The following LTBP1 variants were observed in gnomAD, a reference collection of about 807,000 sequenced individuals.
LTBP1 encodes the protein latent transforming growth factor beta binding protein 1.
A neutral mutation model predicts 207.6 loss-of-function variants in LTBP1; 129 were observed. That is an observed-to-expected ratio of 0.62 (90% CI 0.54 to 0.72). LTBP1 has a LOEUF of 0.72. Among genes scored for constraint, LTBP1 ranks in the 30% least tolerant of loss-of-function variants. The pLI, the probability that LTBP1 is intolerant of heterozygous loss-of-function variation, is 0.00. For synonymous variants in LTBP1, 963 were observed against 833.7 expected (o/e 1.16, Z -2.67); for missense variants, 2,281 against 2,217.2 (o/e 1.03, Z -0.58).
Position 33,243,678 on chromosome 2 carries a change from G to A in LTBP1, c.1893G>A (p.Gln631=). The part of the protein sequence containing the change: ...NTFCQDINEC[Q]LQGVCPNGEC... ...TTCCTGCAGATATTAATGAATGTCA[G>A]CTACAAGGTGTATGCCCTAATGGTG... Residue 631 remains glutamine, a synonymous_variant, in exon 10 of 34, where the codon CAG becomes CAA. Coordinates refer to ENST00000404816, the MANE Select transcript of LTBP1 (RefSeq NM_206943.4). 1 of 1,613,818 alleles carries A rather than the reference G, an allele frequency of 6.2e-7. No homozygotes were observed. The highest frequency in any genetic ancestry group is 8.5e-7 in the Non-Finnish European group (1 of 1,179,864).
At position 33,021,055 on chromosome 2, in the gene LTBP1, G is replaced by A. The variant is rs113206027; in HGVS notation, c.712G>A (p.Ala238Thr). The A allele has an allele frequency of 5.9e-5, 96 of 1,614,080 alleles. 3 individuals are homozygous for A. The highest frequency in any genetic ancestry group is 5.9e-4 in the African/African-American group (44 of 75,004). ...AGTCTTTGGAGGGCAGAGTCCTGGG[G>A]CTGCTTCCTCGTGGGGCCCTCCTGA... ...SPVFGGQSPGAASSWGPPEQA... is the reference protein window; with the variant it reads ...SPVFGGQSPGTASSWGPPEQA... Residue 238 changes from alanine to threonine, a missense_variant, in exon 3 of 34, where the codon GCT (alanine) becomes ACT (threonine). Ala to Thr is a moderately conservative substitution (Grantham distance 58). Transcript: ENST00000404816.
intron 4 of LTBP1, among the ~76,000 whole-genome samples, chr2:33,129,869 T>G (rs2081664936): frequency 6.6e-6 from 1 of 152,194 alleles, no homozygotes. Flanking sequence ...TACTCTGGAT[T>G]CTTACCTGTG....
At chr2:33,202,264 T>G (rs193199009) in intron 7 of LTBP1, among the ~76,000 whole-genome samples, 87 of 152,306 alleles carry the variant, frequency 5.7e-4, no homozygotes, top group African/African-American at 2.1e-3. Flanking sequence ...ATTTCTTGGT[T>G]TCCACTGGAC....
At chr2:33,183,600 C>T (rs185769547) in intron 5 of LTBP1, among the ~76,000 whole-genome samples, 8 of 152,248 alleles carry the variant, frequency 5.3e-5, no homozygotes, top group East Asian at 3.9e-4. Flanking sequence ...ACTACGGTAA[C>T]GGAAATTCAT....
At chr2:33,341,906 A>G (rs184165163) in intron 24 of LTBP1, among the ~76,000 whole-genome samples, 153 of 152,090 alleles carry the variant, frequency 1.0e-3, no homozygotes, top group African/African-American at 3.5e-3. Flanking sequence ...TCTTCTTCAC[A>G]TATATTTGGA....
intron 2 of LTBP1, among the ~76,000 whole-genome samples, chr2:32,993,746 G>A (rs1166532513): frequency 6.6e-6 from 1 of 152,166 alleles, no homozygotes; most frequent in Non-Finnish European, 1.5e-5. Context: ...AGCGCTGGGG[G>A]TCAGGGATCA....
At chr2:33,023,272 T>C (rs2075260863) in intron 3 of LTBP1, among the ~76,000 whole-genome samples, 1 of 152,268 alleles carries the variant, frequency 6.6e-6, no homozygotes, top group Non-Finnish European at 1.5e-5. Context: ...ACATTATTCA[T>C]CTTCAATATC....
At chr2:33,338,102 A>G (rs1352282476) in intron 24 of LTBP1, among the ~76,000 whole-genome samples, 2 of 152,240 alleles carry the variant, frequency 1.3e-5, no homozygotes, top group Non-Finnish European at 2.9e-5. Flanking sequence ...TGTTGAAAAC[A>G]TGAAACTGCT....
rs879017603 is a variant in LTBP1, at chr2:32,947,531, C to T, written c.207C>T (p.Ala69=). 2 of 1,397,440 alleles carry T rather than the reference C, an allele frequency of 1.4e-6. No homozygotes were observed. The highest frequency in any genetic ancestry group is 3.1e-5 in the East Asian group (1 of 31,914). 86.6% of individuals were successfully genotyped at this position (1,397,440 alleles called of 1,614,324 possible). The part of the protein sequence containing the change: ...NARYSRSSAA[A]GAPSRASPGV... ...GGTACAGCCGCAGCTCGGCGGCTGC[C>T]GGCGCCCCCAGCCGTGCCTCCCCCG... The change falls in exon 1 of 34, where the codon GCC becomes GCT. Residue 69 remains alanine (A), a synonymous_variant. Coordinates refer to ENST00000404816, the MANE Select transcript of LTBP1 (RefSeq NM_206943.4).
In LTBP1 at chr2:33,257,308, G is replaced by A. The variant is rs1420957613; in HGVS notation, c.2192G>A (p.Gly731Asp). 6.2e-7 allele frequency: 1 copy of A among 1,614,000 alleles called. No homozygotes were observed. Residue 731 changes from glycine (G) to aspartate (D), a missense_variant, in exon 12 of 34, where the codon GGT becomes GAT. Physicochemically the swap from Gly to Asp is moderately conservative, Grantham distance 94. This residue lies in a region of LTBP1 where 1,671 missense variants were observed against 1,634.8 expected (regional missense o/e 1.02). Transcript: ENST00000404816. ...GTAAFKEICP[G>D]GMGYTVSGVH... ...GCTGCTTTTAAGGAAATCTGTCCTG[G>A]TGGAATGGGTTATACGGTTTCTGGC...
chr2:33,115,117 C>A (rs374379893), intron 4 of LTBP1, among the ~76,000 whole-genome samples: 2 of 81,630 alleles, frequency 2.5e-5, no homozygotes, highest in African/African-American at 8.6e-5. Flanking sequence ...CACACACACA[C>A]ACATATATAT....
intron 15 of LTBP1, among the ~76,000 whole-genome samples, chr2:33,270,019 CG>C (rs1462459739): frequency 1.4e-5 from 2 of 147,960 alleles, no homozygotes; most frequent in Non-Finnish European, 3.0e-5. Flanking sequence ...AGGGTTCAAG[CG>C]ATTCTCCTGC....
chr2:33,171,670 C>T (rs2085470697), intron 5 of LTBP1, among the ~76,000 whole-genome samples: 1 of 151,940 alleles, frequency 6.6e-6, no homozygotes, highest in South Asian at 2.1e-4. Context: ...CACAAAGATA[C>T]TCCTTGAGAA....
chr2:33,188,543 A>G (rs1305516934), intron 6 of LTBP1, 34 bp from the exon 7 acceptor site: 4 of 1,561,848 alleles, frequency 2.6e-6, no homozygotes, highest in Admixed American at 3.6e-5. Flanking sequence ...TTAGTTATTC[A>G]GGACTAACAA....
intron 3 of LTBP1, among the ~76,000 whole-genome samples, chr2:33,101,319 A>G (rs2079723254): frequency 6.6e-6 from 1 of 152,206 alleles, no homozygotes; most frequent in Admixed American, 6.5e-5. Flanking sequence ...TCTTAAGTAT[A>G]CACTTAGGCA....
intron 5 of LTBP1, among the ~76,000 whole-genome samples, chr2:33,151,829 GTGTGTGT>G (rs1212031684): frequency 2.9e-4 from 1 of 3,474 alleles, no homozygotes; most frequent in Non-Finnish European, 6.9e-4. Context: ...CATTTTGTGT[GTGTGTGT>G]GTGTGTGTGT....
At chr2:33,387,581 C>T (rs2095277512) in intron 31 of LTBP1, among the ~76,000 whole-genome samples, 1 of 152,204 alleles carries the variant, frequency 6.6e-6, no homozygotes, top group African/African-American at 2.4e-5. Flanking sequence ...TCTTTTCTGG[C>T]CTCACGCTTG....
intron 4 of LTBP1, 85 bp downstream of exon 4, chr2:33,110,836 G>T: frequency 1.6e-6 from 2 of 1,216,814 alleles, no homozygotes; most frequent in Non-Finnish European, 2.2e-6. Context: ...GCTTTAATGT[G>T]TCACAGTAAA....
chr2:33,216,322 G>A (rs2090700425), intron 7 of LTBP1, among the ~76,000 whole-genome samples: 1 of 152,112 alleles, frequency 6.6e-6, no homozygotes, highest in African/African-American at 2.4e-5. Flanking sequence ...GTTGAATAAA[G>A]TTTATTCTGG....
Sources: gnomAD v4.1 joint callset for allele counts (sites outside exome capture counted in the v4.1 genomes callset) on GRCh38, gnomAD v4.1.1 for gene constraint, gnomAD v4.1.1 regional missense constraint, MANE v1.5 for transcripts, NCBI Gene and HGNC (gene_info 2026-07-23, HGNC 2026-07-21) for gene names.